The following ABCG2 variants were observed in gnomAD, a reference collection of about 807,000 sequenced individuals.
The protein encoded by ABCG2 is broad substrate specificity ATP-binding cassette transporter ABCG2.
In ABCG2, 80 loss-of-function variants were observed where a neutral mutation model predicts 73.5. That is an observed-to-expected ratio of 1.09 (90% confidence interval 0.91 to 1.31). The LOEUF is 1.31. Among genes scored for constraint, ABCG2 ranks in the 50% most tolerant of loss-of-function variants. ABCG2 has a pLI of 0.00. For synonymous variants in ABCG2, 269 were observed against 282.4 expected (o/e 0.95, Z 0.48); for missense variants, 796 against 786.2 (o/e 1.01, Z -0.15).
At chr4:88,129,438 C>T (rs1560693359) in intron 5 of ABCG2, among the ~76,000 whole-genome samples, 1 of 152,118 alleles carries the variant, frequency 6.6e-6, no homozygotes, top group Non-Finnish European at 1.5e-5. Flanking sequence ...ATAGCTGTGC[C>T]TTCACAGTCT....
intron 1 of ABCG2, among the ~76,000 whole-genome samples, chr4:88,151,736 C>A (rs1726502954): frequency 6.9e-6 from 1 of 144,476 alleles, no homozygotes; most frequent in Non-Finnish European, 1.5e-5. Context: ...GAGACTCCAT[C>A]TCAAAAAAAA....
chr4:88,158,443 C>G lies in ABCG2; in HGVS notation c.-77G>C. The G allele has an allele frequency of 2.2e-6, 1 of 451,356 alleles. No individual in the cohort carries two copies. The highest frequency in any genetic ancestry group is 1.6e-5 in the South Asian group (1 of 63,682). 28.0% of individuals were successfully genotyped at this position (451,356 alleles called of 1,614,324 possible). A position where few individuals can be genotyped will look rare whatever the true frequency, so the allele number is the denominator to read the frequency against. On this transcript the variant is annotated 5_prime_UTR_variant, in exon 1 of 16. Transcript: ENST00000237612. ...CTCAGGATCTCAGGATGCGTGCGCT[C>G]GGAGGCAGCGCTTTAACAATTAAGG...
upstream of ABCG2, among the ~76,000 whole-genome samples, chr4:88,159,591 C>G (rs1380686993): frequency 6.6e-6 from 1 of 152,180 alleles, no homozygotes. Context: ...CAACATCTAC[C>G]TGCTGCATCT....
intron 10 of ABCG2, 86 bp from the exon 11 acceptor site, chr4:88,101,405 G>T (rs948590870): frequency 2.5e-6 from 3 of 1,202,000 alleles, no homozygotes; most frequent in Non-Finnish European, 3.7e-6. Flanking sequence ...TTCCACAAAT[G>T]ACAGTGTATA....
upstream of ABCG2, chr4:88,164,016 AT>A (rs200957741): frequency 3.9e-4 from 59 of 152,860 alleles, no homozygotes; most frequent in East Asian, 1.7e-3. Context: ...GCCTTTATAT[AT>A]TTTTTTTAAA....
intron 10 of ABCG2, among the ~76,000 whole-genome samples, chr4:88,106,273 G>A (rs1279102602): frequency 6.6e-6 from 1 of 152,104 alleles, no homozygotes; most frequent in African/African-American, 2.4e-5. Context: ...GAGTAGCTGG[G>A]ACTACAGACA....
At chr4:88,149,230 A>C (rs749394662) in intron 1 of ABCG2, among the ~76,000 whole-genome samples, 126 of 152,282 alleles carry the variant, frequency 8.3e-4, no homozygotes, top group Non-Finnish European at 1.4e-3. Context: ...ATAAAAATAA[A>C]TAAATAAATA....
In ABCG2 at chr4:88,094,645, A is replaced by C; in HGVS notation, c.1752T>G (p.Asn584Lys). The C allele has an allele frequency of 6.2e-7, 1 of 1,613,760 alleles. No homozygotes were observed. The highest frequency in any genetic ancestry group is 1.1e-5 in the South Asian group (1 of 91,078). ...GGCAGAAGTTTTGTCCCAAAAATTCATTATGCTGCAAAGCCTATAACACAA... is the reference window on the plus strand; with the variant it reads ...GGCAGAAGTTTTGTCCCAAAAATTCCTTATGCTGCAAAGCCTATAACACAA... ...PRYGFTALQHNEFLGQNFCPG... is the reference protein window; with the variant it reads ...PRYGFTALQHKEFLGQNFCPG... The change falls in exon 15 of 16, where the codon AAT becomes AAG. Residue 584 changes from asparagine to lysine, a missense_variant. By Grantham distance (94) the Asn-to-Lys change is moderately conservative (BLOSUM62 0). Transcript: ENST00000237612.
chr4:88,171,809 T>A (rs931843564), intron 1 of ABCG2, among the ~76,000 whole-genome samples: 4 of 152,154 alleles, frequency 2.6e-5, no homozygotes, highest in African/African-American at 9.7e-5. Flanking sequence ...TTACCCATCC[T>A]GACAGCCTTT....
rs1348206890 is a variant in ABCG2 at position 88,139,877 on chromosome 4, T to C, written c.119A>G (p.His40Arg). 2.5e-6 allele frequency: 4 copies of C among 1,614,184 alleles called. No homozygotes were observed. Among genetic ancestry groups the C allele is most frequent in the Non-Finnish European group, 2.5e-6 (3 of 1,180,028 alleles). Residue 40 changes from histidine (H) to arginine (R), a missense_variant, in exon 2 of 16, where the codon CAT becomes CGT. By Grantham distance (29) the His-to-Arg change is conservative (BLOSUM62 0). Coordinates refer to ENST00000237612, the MANE Select transcript of ABCG2 (RefSeq NM_004827.3). Reference protein sequence around the residue: ...AFTEGAVLSFHNICYRVKLKS... With the variant: ...AFTEGAVLSFRNICYRVKLKS... ...CAGTTTTACTCGATAGCAGATGTTA[T>C]GAAAACTTAACACAGCTCCTTCAGT...
chr4:88,224,350 A>T (rs1171284812), intron 1 of ABCG2, among the ~76,000 whole-genome samples: 1 of 152,150 alleles, frequency 6.6e-6, no homozygotes, highest in Non-Finnish European at 1.5e-5. Context: ...AAGTGGGAGG[A>T]TCACCTGAGC....
At chr4:88,145,379 GTTATATCC>G (rs902160420) in intron 1 of ABCG2, among the ~76,000 whole-genome samples, 11 of 152,180 alleles carry the variant, frequency 7.2e-5, no homozygotes, top group African/African-American at 2.7e-4. Flanking sequence ...GGGCTTTCAT[GTTATATCC>G]GATTTGACAG....
intron 10 of ABCG2, 52 bp downstream of exon 10, chr4:88,107,132 G>C: frequency 7.6e-7 from 1 of 1,319,496 alleles, no homozygotes; most frequent in East Asian, 2.3e-5. Flanking sequence ...ATTTCAATAA[G>C]CTTGAAGAAA....
At chr4:88,185,094 G>A (rs1728398811) in intron 1 of ABCG2, among the ~76,000 whole-genome samples, 1 of 152,128 alleles carries the variant, frequency 6.6e-6, no homozygotes, top group South Asian at 2.1e-4. Flanking sequence ...TGGGCGAGGT[G>A]GCTCACACCT....
intron 1 of ABCG2, among the ~76,000 whole-genome samples, chr4:88,227,576 A>G (rs1196399027): frequency 1.3e-5 from 2 of 152,150 alleles, no homozygotes; most frequent in Non-Finnish European, 2.9e-5. Context: ...GCCAATTCCC[A>G]CGCCTGGGGC....
chr4:88,120,900 C>T (rs1409440938), intron 6 of ABCG2, among the ~76,000 whole-genome samples: 2 of 151,950 alleles, frequency 1.3e-5, no homozygotes, highest in African/African-American at 4.8e-5. Context: ...GATATGTGTC[C>T]CCACCCAAAT....
intron 1 of ABCG2, among the ~76,000 whole-genome samples, chr4:88,192,049 G>A (rs1323219210): frequency 1.3e-5 from 2 of 152,038 alleles, no homozygotes; most frequent in Non-Finnish European, 2.9e-5. Flanking sequence ...GCGCATGCCT[G>A]TAGCCCCAGC....
At chr4:88,160,768 G>A (rs1578246596), upstream of ABCG2, among the ~76,000 whole-genome samples, 1 of 149,500 alleles carries the variant, frequency 6.7e-6, no homozygotes. Context: ...AGAATTGCTG[G>A]AGCCAGGGAG....
In ABCG2 at chr4:88,222,770, C is replaced by T. The variant is rs569829604; in HGVS notation, c.-20+8224G>A. 7.9e-4 allele frequency among the ~76,000 whole-genome samples: 120 copies of T among 152,316 alleles called. 4 individuals carry two copies. The South Asian group carries it at 0.023, about 29-fold the overall frequency. On this transcript the variant is annotated intron_variant, in intron 1 of 15. Transcript: ENST00000515655. ...CTATGAGAAGTAGGCCACCATCCTC[C>T]AGACCCCAGAATGGTAGATCCACCA...
Sources: allele counts gnomAD v4.1 joint callset (sites outside exome capture counted in the v4.1 genomes callset), GRCh38; gene constraint gnomAD v4.1.1; transcripts MANE v1.5; gene names NCBI Gene and HGNC (gene_info 2026-07-23, HGNC 2026-07-21).